Variants in TAOK3 observed in about 807,000 individuals in gnomAD.
TAOK3 encodes the protein serine/threonine-protein kinase TAO3.
In TAOK3, 40 loss-of-function variants were observed where a neutral mutation model predicts 120.4. The observed-to-expected ratio is 0.33, with a 90% confidence interval of 0.26 to 0.43. The LOEUF is 0.43. Ranked by LOEUF, TAOK3 falls within the 20% of genes least tolerant of loss-of-function variation. The pLI is 1.00. For synonymous variants in TAOK3, 355 were observed against 387.5 expected (o/e 0.92, Z 0.99); for missense variants, 821 against 1,112.1 (o/e 0.74, Z 3.72).
chr12:118,235,438 G>C (rs2039981392), intron 8 of TAOK3, 120 bp downstream of exon 8: 1 of 671,150 alleles, frequency 1.5e-6, no homozygotes, highest in Admixed American at 2.7e-5. Flanking sequence ...CTTCTCAAAT[G>C]AAACCTCGTT....
chr12:118,358,336 A>C (rs12818350), intron 1 of TAOK3, among the ~76,000 whole-genome samples: 14 of 152,336 alleles, frequency 9.2e-5, no homozygotes, highest in African/African-American at 3.4e-4. Context: ...AACAAAATAA[A>C]TGTGACCAAA....
intron 1 of TAOK3, among the ~76,000 whole-genome samples, chr12:118,323,188 T>C (rs1351184035): frequency 6.6e-6 from 1 of 152,100 alleles, no homozygotes; most frequent in African/African-American, 2.4e-5. Flanking sequence ...TATTGTGTAG[T>C]AAAACAAATT....
At chr12:118,188,527 T>C (rs752808072) in intron 14 of TAOK3, among the ~76,000 whole-genome samples, 23 of 152,146 alleles carry the variant, frequency 1.5e-4, no homozygotes, top group Non-Finnish European at 2.5e-4. Flanking sequence ...TTATAAGCAG[T>C]TTAAATTAAA....
chr12:118,177,214 T>C lies in TAOK3; in HGVS notation c.1682A>G (p.Glu561Gly). The C allele has an allele frequency of 6.2e-7, 1 of 1,613,750 alleles. No homozygotes were observed. The highest frequency in any genetic ancestry group is 1.1e-5 in the South Asian group (1 of 91,020). Reference sequence around the variant, plus strand: ...TGGTATCCTTACCTCTTTTATTTTTTCCTTACAAATCTTATACTGCTTCTT... The same window carrying C: ...TGGTATCCTTACCTCTTTTATTTTTCCCTTACAAATCTTATACTGCTTCTT... ...SQKKQYKICK[E>G]KIKEEMNEDH... The change falls in exon 16 of 21, where the codon GAA becomes GGA. Residue 561 changes from glutamate to glycine, a missense_variant. By Grantham distance (98) the Glu-to-Gly change is moderately conservative. This residue lies in a region of TAOK3 where 354 missense variants were observed against 572.1 expected (regional missense o/e 0.62). Coordinates refer to ENST00000392533, the MANE Select transcript of TAOK3 (RefSeq NM_016281.4).
At chr12:118,181,657 A>C in intron 14 of TAOK3, 50 bp from the exon 15 acceptor site, 1 of 1,526,954 alleles carries the variant, frequency 6.5e-7, no homozygotes. Context: ...CATGGGAGAC[A>C]AGCTTTCATG....
At chr12:118,324,296 A>C (rs2043838742) in intron 1 of TAOK3, among the ~76,000 whole-genome samples, 1 of 152,186 alleles carries the variant, frequency 6.6e-6, no homozygotes. Context: ...AGTCTTTTTC[A>C]TTGTAAGACT....
chr12:118,166,170 T>G (rs939223791), intron 17 of TAOK3, among the ~76,000 whole-genome samples: 1 of 152,172 alleles, frequency 6.6e-6, no homozygotes, highest in African/African-American at 2.4e-5. Flanking sequence ...TAACATAAAG[T>G]TACACAACTT....
At chr12:118,305,904 CAAA>C (rs71450271) in intron 1 of TAOK3, among the ~76,000 whole-genome samples, 1 of 58,374 alleles carries the variant, frequency 1.7e-5, no homozygotes, top group Non-Finnish European at 4.0e-5. Context: ...GACTCCGTCT[CAAA>C]AAAAAAAAAA....
chr12:118,198,790 A>G, intron 13 of TAOK3: 1 of 482,392 alleles, frequency 2.1e-6, no homozygotes, highest in South Asian at 2.1e-5. Context: ...GGTTTAGAGA[A>G]GGACTTATCA....
chr12:118,365,379 T>G (rs982433054), intron 1 of TAOK3, among the ~76,000 whole-genome samples: 2 of 150,792 alleles, frequency 1.3e-5, no homozygotes, highest in African/African-American at 4.9e-5. Context: ...ATTAGAGGCG[T>G]GCAAACACAC....
At chr12:118,184,215 T>C (rs1165327991) in intron 14 of TAOK3, among the ~76,000 whole-genome samples, 4 of 152,186 alleles carry the variant, frequency 2.6e-5, no homozygotes, top group African/African-American at 9.7e-5. Flanking sequence ...AACTAAACTT[T>C]CCAAGTTTCA....
intron 20 of TAOK3, 71 bp downstream of exon 20, chr12:118,152,156 A>C (rs1206670162): frequency 4.2e-6 from 6 of 1,421,196 alleles, no homozygotes; most frequent in Non-Finnish European, 5.9e-6. Context: ...GGAAGGCTGC[A>C]TATATGGCAG....
At chr12:118,239,325 C>T in intron 5 of TAOK3, 53 bp from the exon 6 acceptor site, 1 of 991,088 alleles carries the variant, frequency 1.0e-6, no homozygotes, top group Non-Finnish European at 1.6e-6. Flanking sequence ...TTAAAAACTG[C>T]TGAAACCAAC....
At chr12:118,189,606 C>T (rs2037310357) in intron 14 of TAOK3, among the ~76,000 whole-genome samples, 1 of 139,958 alleles carries the variant, frequency 7.1e-6, no homozygotes, top group African/African-American at 2.7e-5. Context: ...CCATGCCATA[C>T]ACAATGCTAA....
chr12:118,331,685 T>C (rs932693664), intron 1 of TAOK3, among the ~76,000 whole-genome samples: 1 of 150,816 alleles, frequency 6.6e-6, no homozygotes. Context: ...TATCTGACTT[T>C]ACAGTAGTCT....
chr12:118,207,858 T>TCACGCACACACACACA (rs1555221794), intron 11 of TAOK3, among the ~76,000 whole-genome samples: 1 of 144,350 alleles, frequency 6.9e-6, no homozygotes, highest in East Asian at 2.0e-4. Flanking sequence ...AGACTCTGTC[T>TCACGCACACACACACA]CACACACACA....
chr12:118,194,144 C>T (rs182868430), intron 13 of TAOK3, among the ~76,000 whole-genome samples: 58 of 152,208 alleles, frequency 3.8e-4, no homozygotes, highest in South Asian at 6.2e-4. Flanking sequence ...CTTTACACAG[C>T]GGGGTGCGGG....
intron 9 of TAOK3, among the ~76,000 whole-genome samples, chr12:118,232,852 C>G (rs190111339): frequency 7.2e-5 from 11 of 152,160 alleles, no homozygotes; most frequent in Admixed American, 7.2e-4. Context: ...TTGCAATGAG[C>G]CGAGATTGTG....
At chr12:118,199,825 C>T (rs1593134252) in intron 12 of TAOK3, 1 of 157,924 alleles carries the variant, frequency 6.3e-6, no homozygotes, top group Non-Finnish European at 1.4e-5. Flanking sequence ...GCGATTCTAT[C>T]ATGCTTATCT....
Sources: allele counts gnomAD v4.1 joint callset (sites outside exome capture counted in the v4.1 genomes callset), GRCh38; gene constraint gnomAD v4.1.1; regional missense constraint gnomAD v4.1.1; transcripts MANE v1.5; gene names NCBI Gene and HGNC (gene_info 2026-07-23, HGNC 2026-07-21).